BCAN: variants seen among roughly 807,000 people sequenced by gnomAD.
The protein encoded by BCAN is brevican.
In BCAN, 51 loss-of-function variants were observed where a neutral mutation model predicts 92.4. The observed-to-expected ratio is 0.55, with a 90% CI of 0.44 to 0.70. BCAN has a LOEUF of 0.70. BCAN is among the 30% of genes least tolerant of loss of function. BCAN has a pLI of 0.00. For synonymous variants in BCAN, 501 were observed against 505.2 expected (o/e 0.99, Z 0.11); for missense variants, 1,140 against 1,212.1 (o/e 0.94, Z 0.88).
rs565329172 is a variant in BCAN, at chr1:156,642,222, C to T, written c.-62C>T. 1 of 152,434 alleles carries T rather than the reference C, an allele frequency of 6.6e-6. No homozygotes were observed. Among genetic ancestry groups the T allele is most frequent in the Non-Finnish European group, 1.5e-5 (1 of 68,120 alleles). The allele number at this position is 152,434 out of a possible 1,614,324, so 9.4% of individuals were successfully genotyped here. On this transcript the variant is annotated 5_prime_UTR_variant, in exon 1 of 14. Transcript: ENST00000329117. The surrounding 1 kb of genome is among the most constrained non-coding windows in gnomAD (Gnocchi z 4.2). ...TGAGCCGTGCACCCGGAGGAGACCC[C>T]CGGAGGAGGCGACAAACTTCGCAGT...
Position 156,647,734 on chromosome 1 carries a change from G to GC in BCAN, c.641+58dup, listed in dbSNP as rs1361353992. On this transcript the variant is annotated intron_variant, in intron 4 of 13. Coordinates refer to ENST00000329117, the MANE Select transcript of BCAN (RefSeq NM_021948.5). The surrounding 1 kb of genome is among the most constrained non-coding windows in gnomAD (Gnocchi z 4.8). ...TCTATTGGCCCCTGAGGTGGCCATGGCCCCCCTTCTGCTGGGTGCTGCCTG... is the reference window on the plus strand; with the variant it reads ...TCTATTGGCCCCTGAGGTGGCCATGGCCCCCCCTTCTGCTGGGTGCTGCCTG... The GC allele has an allele frequency of 6.4e-7, 1 of 1,553,390 alleles. No homozygotes were observed.
At chr1:156,657,458 T>G in intron 10 of BCAN, 1 of 551,194 alleles carries the variant, frequency 1.8e-6, no homozygotes, top group Non-Finnish European at 3.2e-6. Flanking sequence ...AAAACTCCCC[T>G]TTTCTAGCCT....
In BCAN at chr1:156,652,584, C is replaced by T. The variant is rs757070229; in HGVS notation, c.1634C>T (p.Thr545Ile). The T allele has an allele frequency of 1.2e-6, 2 of 1,614,166 alleles. No individual in the cohort carries two copies. Among genetic ancestry groups the T allele is most frequent in the South Asian group, 1.1e-5 (1 of 91,086 alleles). ...VHGPPTETLP[T>I]PRERNLASPS... ...GGACCACCTACTGAGACTCTGCCCA[C>T]TCCCAGGGAGAGGAACCTAGCATCC... The change falls in exon 8 of 14, where the codon ACT becomes ATT. Residue 545 changes from threonine (T) to isoleucine (I), a missense_variant. Thr to Ile is a moderately conservative substitution (Grantham distance 89). Transcript: ENST00000329117.
chr1:156,658,333 G>T lies in BCAN; in HGVS notation c.2437+62G>T. On this transcript the variant is annotated intron_variant, in intron 12 of 13. Transcript: ENST00000329117. This position sits in a 1 kb window ranked among gnomAD's most constrained non-coding sequence, Gnocchi z 4.4. ...GGAGGGGTGGGCTAGGGGACCAGAG[G>T]GACTGATGTTTGTAGACAGAGAGTG... The T allele has an allele frequency of 6.3e-7, 1 of 1,585,106 alleles. No individual in the cohort carries two copies. Among genetic ancestry groups the T allele is most frequent in the Non-Finnish European group, 8.6e-7 (1 of 1,163,518 alleles).
chr1:156,652,580 C>A lies in BCAN; in HGVS notation c.1630C>A (p.Pro544Thr). ...CCATGGACCACCTACTGAGACTCTGCCCACTCCCAGGGAGAGGAACCTAGC... is the reference window on the plus strand; with the variant it reads ...CCATGGACCACCTACTGAGACTCTGACCACTCCCAGGGAGAGGAACCTAGC... The part of the protein sequence containing the change: ...RVHGPPTETL[P>T]TPRERNLASP... The change falls in exon 8 of 14, where the codon CCC becomes ACC. Residue 544 changes from proline (P) to threonine (T), a missense_variant. Around this residue, in one of 3 missense-constraint regions of BCAN, gnomAD observed 825 missense variants for 871.8 expected, o/e 0.95. Coordinates refer to ENST00000329117, the MANE Select transcript of BCAN (RefSeq NM_021948.5). 1 of 1,614,082 alleles carries A rather than the reference C, an allele frequency of 6.2e-7. No individual in the cohort carries two copies. Among genetic ancestry groups the A allele is most frequent in the East Asian group, 2.2e-5 (1 of 44,882 alleles).
chr1:156,645,574 G>A (rs1019541806), intron 1 of BCAN, among the ~76,000 whole-genome samples: 1 of 152,152 alleles, frequency 6.6e-6, no homozygotes, highest in African/African-American at 2.4e-5. Context: ...GAGATACTAT[G>A]GGAGAAGGCT....
Position 156,647,332 on chromosome 1 carries a change from C to T in BCAN, c.466+157C>T. ...AGGAGACACGGGCCTTTGTTGTCTC[C>T]TTTCTCTCTTCAGGTGGAGGACATT... On this transcript the variant is annotated intron_variant, in intron 3 of 13. Transcript: ENST00000329117. This position sits in a 1 kb window ranked among gnomAD's most constrained non-coding sequence, Gnocchi z 4.8. The T allele has an allele frequency of 8.8e-7, 1 of 1,141,488 alleles. No individual in the cohort carries two copies. Among genetic ancestry groups the T allele is most frequent in the East Asian group, 2.6e-5 (1 of 37,762 alleles). The allele number at this position is 1,141,488 out of a possible 1,614,324, so 70.7% of individuals were successfully genotyped here.
chr1:156,648,074 C>G lies in BCAN; in HGVS notation c.733C>G (p.Leu245Val). The change falls in exon 5 of 14, where the codon CTC (leucine) becomes GTC (valine). Residue 245 changes from leucine (L) to valine (V), a missense_variant. Transcript: ENST00000329117. ...RNYGVVDPDD[L>V]YDVYCYAEDL... ...CTATGGTGTGGTGGACCCGGATGAC[C>G]TCTATGATGTGTACTGTTATGCTGA... 1 of 1,613,996 alleles carries G rather than the reference C, an allele frequency of 6.2e-7. No homozygotes were observed. Among genetic ancestry groups the G allele is most frequent in the African/African-American group, 1.3e-5 (1 of 74,962 alleles).
Position 156,659,357 on chromosome 1 carries a change from G to T in BCAN, c.*223G>T, listed in dbSNP as rs567193169. 2.1e-5 allele frequency: 11 copies of T among 536,004 alleles called. No homozygotes were observed. The highest frequency in any genetic ancestry group is 4.7e-4 in the Middle Eastern group (1 of 2,118). The allele number at this position is 536,004 out of a possible 1,614,324, so 33.2% of individuals were successfully genotyped here. A position where few individuals can be genotyped will look rare whatever the true frequency, so the allele number is the denominator to read the frequency against. Reference sequence around the variant, plus strand: ...GGGCACCAGATCTTCCATCAGGGCCGGAGTAAATCCCTAAGTGCCTCAACT... The same window carrying T: ...GGGCACCAGATCTTCCATCAGGGCCTGAGTAAATCCCTAAGTGCCTCAACT... On this transcript the variant is annotated 3_prime_UTR_variant, in exon 14 of 14. Transcript: ENST00000329117.
In BCAN at chr1:156,659,348, A is replaced by G. The variant is rs879367732; in HGVS notation, c.*214A>G. The G allele has an allele frequency of 1.8e-6, 1 of 544,188 alleles. No homozygotes were observed. The highest frequency in any genetic ancestry group is 3.6e-5 in the Admixed American group (1 of 27,984). 33.7% of individuals were successfully genotyped at this position (544,188 alleles called of 1,614,324 possible). A position where few individuals can be genotyped will look rare whatever the true frequency, so the allele number is the denominator to read the frequency against. On this transcript the variant is annotated 3_prime_UTR_variant, in exon 14 of 14. Transcript: ENST00000329117. ...CCCTACCCTGGGCACCAGATCTTCC[A>G]TCAGGGCCGGAGTAAATCCCTAAGT...
chr1:156,652,766 G>A lies in BCAN; in HGVS notation c.1816G>A (p.Glu606Lys). Residue 606 changes from glutamate to lysine, a missense_variant, in exon 8 of 14, where the codon GAG becomes AAG. Glu to Lys is a moderately conservative substitution (Grantham distance 56, BLOSUM62 1). Around this residue, in one of 3 missense-constraint regions of BCAN, gnomAD observed 825 missense variants for 871.8 expected, o/e 0.95. Transcript: ENST00000329117. ...PATRAPEGTR[E>K]LEAPSEDNSG... ...CACACGGGCCCCTGAGGGTACCAGG[G>A]AGCTGGAGGCCCCCTCTGAAGATAA... 6.2e-7 allele frequency: 1 copy of A among 1,610,874 alleles called. No homozygotes were observed. Among genetic ancestry groups the A allele is most frequent in the Non-Finnish European group, 8.5e-7 (1 of 1,177,810 alleles).
rs1678802101 is a variant in BCAN, at chr1:156,642,184, G to T, written c.-100G>T. On this transcript the variant is annotated 5_prime_UTR_variant, in exon 1 of 14. Coordinates refer to ENST00000329117, the MANE Select transcript of BCAN (RefSeq NM_021948.5). This position sits in a 1 kb window ranked among gnomAD's most constrained non-coding sequence, Gnocchi z 4.2. ...CGCAGTCTCCGCCGCAGTCTCAGCTGCAGCTGCAGGACTGAGCCGTGCACC... is the reference window on the plus strand; with the variant it reads ...CGCAGTCTCCGCCGCAGTCTCAGCTTCAGCTGCAGGACTGAGCCGTGCACC... The T allele has an allele frequency of 6.6e-6, 1 of 152,348 alleles. No individual in the cohort carries two copies. Among genetic ancestry groups the T allele is most frequent in the African/African-American group, 2.4e-5 (1 of 41,464 alleles). 9.4% of individuals were successfully genotyped at this position (152,348 alleles called of 1,614,324 possible).
intron 8 of BCAN, among the ~76,000 whole-genome samples, chr1:156,654,678 AG>A (rs1266811482): frequency 1.3e-5 from 2 of 152,166 alleles, no homozygotes; most frequent in African/African-American, 2.4e-5. Flanking sequence ...TCTGTCCCCC[AG>A]GGTTGGAGGG....
rs761875989 is a variant in BCAN at position 156,658,281 on chromosome 1, G to A, written c.2437+10G>A. ...TGCAAGATGGGGCTGGGTGAGGGCA[G>A]GCAAAGGAGGGTCCCAGCAAGGAAG... is the stretch of plus-strand genomic sequence containing the variant. On this transcript the variant is annotated intron_variant, in intron 12 of 13. Coordinates refer to ENST00000329117, the MANE Select transcript of BCAN (RefSeq NM_021948.5). This position sits in a 1 kb window ranked among gnomAD's most constrained non-coding sequence, Gnocchi z 4.4. 7 of 1,613,036 alleles carry A rather than the reference G, an allele frequency of 4.3e-6. No homozygotes were observed. Among genetic ancestry groups the A allele is most frequent in the Non-Finnish European group, 5.9e-6 (7 of 1,179,464 alleles).
intron 6 of BCAN, 83 bp from the exon 7 acceptor site, chr1:156,651,373 A>G: frequency 4.0e-6 from 5 of 1,250,138 alleles, no homozygotes; most frequent in Non-Finnish European, 5.6e-6. Flanking sequence ...GAGAGAATTG[A>G]GAGAATTCCA....
intron 8 of BCAN, 101 bp downstream of exon 8, chr1:156,652,993 C>T: frequency 1.9e-6 from 3 of 1,549,072 alleles, no homozygotes; most frequent in Non-Finnish European, 2.6e-6. Flanking sequence ...CCACCATCAT[C>T]CCAAACTCTC....
intron 2 of BCAN, chr1:156,646,566 G>C (rs1424835293): frequency 3.1e-6 from 2 of 635,234 alleles, no homozygotes; most frequent in Non-Finnish European, 5.0e-6. Context: ...GGAATCCTGG[G>C]GGCTGAATTG....
rs1331020540 is a variant in BCAN, at chr1:156,646,832, C to T, written c.123C>T (p.Gly41=). Residue 41 remains glycine (G), a synonymous_variant, in exon 3 of 14, where the codon GGC becomes GGT. Transcript: ENST00000329117. ...GCGCTTTTCGCGTGCGCATCGCGGGCGACGCGCCACTGCAGGGCGTGCTCG... is the reference window on the plus strand; with the variant it reads ...GCGCTTTTCGCGTGCGCATCGCGGGTGACGCGCCACTGCAGGGCGTGCTCG... ...EDRAFRVRIA[G]DAPLQGVLGG... 6.3e-7 allele frequency: 1 copy of T among 1,579,684 alleles called. No homozygotes were observed. The highest frequency in any genetic ancestry group is 8.6e-7 in the Non-Finnish European group (1 of 1,164,558).
Position 156,658,210 on chromosome 1 carries a change from G to T in BCAN, c.2376G>T (p.Gln792His). The change falls in exon 12 of 14, where the codon CAG (glutamine) becomes CAT (histidine). Residue 792 changes from glutamine to histidine, a missense_variant. Transcript: ENST00000329117. The surrounding 1 kb of genome is among the most constrained non-coding windows in gnomAD (Gnocchi z 4.4). ...ENCVVMVWHD[Q>H]GQWSDVPCNY... ...GCGTGGTCATGGTGTGGCATGATCA[G>T]GGACAATGGAGTGACGTGCCCTGCA... is the stretch of plus-strand genomic sequence containing the variant. 4 of 1,614,126 alleles carry T rather than the reference G, an allele frequency of 2.5e-6. No homozygotes were observed. Among genetic ancestry groups the T allele is most frequent in the Non-Finnish European group, 3.4e-6 (4 of 1,180,014 alleles).
Sources: gnomAD v4.1 joint callset for allele counts (sites outside exome capture counted in the v4.1 genomes callset) on GRCh38, gnomAD v4.1.1 for gene constraint, gnomAD v4.1.1 regional missense constraint, Gnocchi (gnomAD v3.1) non-coding constraint, MANE v1.5 for transcripts, NCBI Gene and HGNC (gene_info 2026-07-23, HGNC 2026-07-21) for gene names.